OPALIN: variants seen among roughly 807,000 people sequenced by gnomAD.
OPALIN encodes the protein transmembrane protein 10.
OPALIN carries 15 observed loss-of-function variants against 17.8 expected under a neutral mutation model. The observed-to-expected ratio is 0.84, with a 90% CI of 0.56 to 1.29. The LOEUF is 1.29. OPALIN is among the 50% of genes most tolerant of loss of function. OPALIN has a pLI of 0.00. For missense variants in OPALIN, 170 were observed against 176.0 expected (o/e 0.97, Z 0.19); for synonymous variants, 62 against 63.8 (o/e 0.97, Z 0.14).
At chr10:96,347,338 C>G (rs1433122339) in intron 5 of OPALIN, among the ~76,000 whole-genome samples, 1 of 152,104 alleles carries the variant, frequency 6.6e-6, no homozygotes, top group East Asian at 1.9e-4. Context: ...AGGTGATCCA[C>G]CTGCCTTGGC....
rs1165501926 is a variant in OPALIN at position 96,351,414 on chromosome 10, T to A, written c.40-4A>T. 1 of 1,537,820 alleles carries A rather than the reference T, an allele frequency of 6.5e-7. No individual in the cohort carries two copies. The highest frequency in any genetic ancestry group is 2.2e-5 in the Admixed American group (1 of 46,314). Reference sequence around the variant, plus strand: ...CACCTGTGACAGGAGAGGACGTCTGTATGGAAAAAGAACATATATTGTAAA... The same window carrying A: ...CACCTGTGACAGGAGAGGACGTCTGAATGGAAAAAGAACATATATTGTAAA... On this transcript the variant is annotated splice_polypyrimidine_tract_variant and splice_region_variant and intron_variant, in intron 2 of 5. Transcript: ENST00000371172.
chr10:96,357,916 G>C (rs1161265679), intron 1 of OPALIN, among the ~76,000 whole-genome samples: 1 of 152,116 alleles, frequency 6.6e-6, no homozygotes, highest in Non-Finnish European at 1.5e-5. Context: ...CTCAGTGGCT[G>C]AACGTCCTTC....
chr10:96,357,776 G>T (rs1845876918), intron 1 of OPALIN, among the ~76,000 whole-genome samples: 1 of 152,170 alleles, frequency 6.6e-6, no homozygotes. Flanking sequence ...GAAAGTTCTT[G>T]TGGAATGGAA....
Position 96,353,299 on chromosome 10 carries a change from G to T in OPALIN, c.40-1889C>A, listed in dbSNP as rs527921877. On this transcript the variant is annotated intron_variant, in intron 2 of 5. Coordinates refer to ENST00000371172, the MANE Select transcript of OPALIN (RefSeq NM_033207.5). ...TCCTCAGCAGGGACTGGCCAGCAGG[G>T]AGCCCTGTTCCAAACTTCCCGCAGA... is the stretch of plus-strand genomic sequence containing the variant. 3.0e-6 allele frequency: 4 copies of T among 1,344,614 alleles called. No individual in the cohort carries two copies. The South Asian group carries it at 3.9e-5, about 13-fold the overall frequency. The allele number at this position is 1,344,614 out of a possible 1,614,324, so 83.3% of individuals were successfully genotyped here.
Position 96,348,288 on chromosome 10 carries a change from C to T in OPALIN, c.249+1G>A. The T allele has an allele frequency of 1.3e-6, 2 of 1,510,978 alleles. No individual in the cohort carries two copies. Among genetic ancestry groups the T allele is most frequent in the Non-Finnish European group, 1.8e-6 (2 of 1,090,042 alleles). The allele number at this position is 1,510,978 out of a possible 1,614,324, so 93.6% of individuals were successfully genotyped here. A position where few individuals can be genotyped will look rare whatever the true frequency, so the allele number is the denominator to read the frequency against. On this transcript the variant is annotated splice_donor_variant, in intron 5 of 5. Coordinates refer to ENST00000371172, the MANE Select transcript of OPALIN (RefSeq NM_033207.5). LOFTEE classifies it high-confidence loss of function. ...TAGAGAGTATAACCAAGAGTTCTTACCTCAGATATCTTGGGATTGTCATCA... is the reference window on the plus strand; with the variant it reads ...TAGAGAGTATAACCAAGAGTTCTTATCTCAGATATCTTGGGATTGTCATCA...
intron 2 of OPALIN, among the ~76,000 whole-genome samples, chr10:96,354,001 C>G (rs1194661480): frequency 6.6e-6 from 1 of 152,164 alleles, no homozygotes; most frequent in South Asian, 2.1e-4. Flanking sequence ...TTATGCTACT[C>G]TCTAGAACTA....
chr10:96,351,550 A>G, intron 2 of OPALIN, 140 bp from the exon 3 acceptor site: 1 of 493,630 alleles, frequency 2.0e-6, no homozygotes, highest in East Asian at 3.5e-5. Context: ...ACTACCAAAC[A>G]GAACCTAACT....
Position 96,344,322 on chromosome 10 carries a change from C to T in OPALIN, c.*1619G>A, listed in dbSNP as rs1589381222. 2 of 152,156 alleles carry T rather than the reference C, an allele frequency of 1.3e-5. No homozygotes were observed. The highest frequency in any genetic ancestry group is 4.8e-5 in the African/African-American group (2 of 41,504). The allele number at this position is 152,156 out of a possible 1,614,324, so 9.4% of individuals were successfully genotyped here. ...CTTAAATACTCTCTGATTACAGACACAAGTAGGAGCAATGAATGATGTGTC... is the reference window on the plus strand; with the variant it reads ...CTTAAATACTCTCTGATTACAGACATAAGTAGGAGCAATGAATGATGTGTC... On this transcript the variant is annotated 3_prime_UTR_variant, in exon 6 of 6. Coordinates refer to ENST00000371172, the MANE Select transcript of OPALIN (RefSeq NM_033207.5).
In OPALIN at chr10:96,345,381, T is replaced by C. The variant is rs1209313858; in HGVS notation, c.*560A>G. On this transcript the variant is annotated 3_prime_UTR_variant, in exon 6 of 6. Transcript: ENST00000371172. ...CTCAGTGGTAGGTGTGACTTAAGAG[T>C]CCGTATTCTTTCCACTGCTGTGTGA... The C allele has an allele frequency of 6.6e-6, 1 of 151,892 alleles. No homozygotes were observed. The highest frequency in any genetic ancestry group is 1.5e-5 in the Non-Finnish European group (1 of 68,018). 9.4% of individuals were successfully genotyped at this position (151,892 alleles called of 1,614,324 possible).
At chr10:96,354,092 C>T (rs1305143518) in intron 2 of OPALIN, among the ~76,000 whole-genome samples, 1 of 152,068 alleles carries the variant, frequency 6.6e-6, no homozygotes, top group African/African-American at 2.4e-5. Context: ...TTTGAATAAC[C>T]AGACAACTTA....
At position 96,345,741 on chromosome 10, in the gene OPALIN, A is replaced by C; in HGVS notation, c.*200T>G. On this transcript the variant is annotated 3_prime_UTR_variant, in exon 6 of 6. Transcript: ENST00000371172. ...TCTGGTGAGTCACATGTACTAACTA[A>C]AGCACAAGATCTGAGAGTTGGAATT... The C allele has an allele frequency of 1.8e-6, 1 of 542,546 alleles. No individual in the cohort carries two copies. Among genetic ancestry groups the C allele is most frequent in the East Asian group, 2.9e-5 (1 of 34,420 alleles). The allele number at this position is 542,546 out of a possible 1,614,324, so 33.6% of individuals were successfully genotyped here.
In OPALIN at chr10:96,344,643, G is replaced by A. The variant is rs926378541; in HGVS notation, c.*1298C>T. ...CTCTCCTTTTCCATTTGGCCTCCTT[G>A]GAGACAGTCCTCAGCAAGCTGAAGC... On this transcript the variant is annotated 3_prime_UTR_variant, in exon 6 of 6. Coordinates refer to ENST00000371172, the MANE Select transcript of OPALIN (RefSeq NM_033207.5). The A allele has an allele frequency of 2.0e-5, 3 of 152,054 alleles. No individual in the cohort carries two copies. The highest frequency in any genetic ancestry group is 2.0e-4 in the Admixed American group (3 of 15,254). 9.4% of individuals were successfully genotyped at this position (152,054 alleles called of 1,614,324 possible). A position where few individuals can be genotyped will look rare whatever the true frequency, so the allele number is the denominator to read the frequency against.
intron 5 of OPALIN, among the ~76,000 whole-genome samples, chr10:96,347,019 T>A (rs1261149081): frequency 6.6e-6 from 1 of 152,172 alleles, no homozygotes; most frequent in Non-Finnish European, 1.5e-5. Flanking sequence ...CTTGTTAAAA[T>A]TTCTTGTTAA....
Position 96,344,765 on chromosome 10 carries a change from C to G in OPALIN, c.*1176G>C, listed in dbSNP as rs1845241964. 6.6e-6 allele frequency: 1 copy of G among 152,118 alleles called. No homozygotes were observed. The highest frequency in any genetic ancestry group is 1.5e-5 in the Non-Finnish European group (1 of 68,022). 9.4% of individuals were successfully genotyped at this position (152,118 alleles called of 1,614,324 possible). A position where few individuals can be genotyped will look rare whatever the true frequency, so the allele number is the denominator to read the frequency against. On this transcript the variant is annotated 3_prime_UTR_variant, in exon 6 of 6. Coordinates refer to ENST00000371172, the MANE Select transcript of OPALIN (RefSeq NM_033207.5). ...GTAACTTTAACAACTATCCCTAAAGCACAAAAGTTAAAGTTATTTGAGGAA... is the reference window on the plus strand; with the variant it reads ...GTAACTTTAACAACTATCCCTAAAGGACAAAAGTTAAAGTTATTTGAGGAA...
intron 1 of OPALIN, among the ~76,000 whole-genome samples, chr10:96,357,653 G>A (rs772023960): frequency 9.9e-5 from 15 of 152,152 alleles, no homozygotes; most frequent in Non-Finnish European, 1.8e-4. Flanking sequence ...AGGGAATACC[G>A]TAATGTCATC....
At chr10:96,353,903 A>T (rs1055762131) in intron 2 of OPALIN, among the ~76,000 whole-genome samples, 1 of 152,184 alleles carries the variant, frequency 6.6e-6, no homozygotes, top group African/African-American at 2.4e-5. Context: ...CAGAGGCTGG[A>T]GCAGGTGCCA....
intron 3 of OPALIN, 127 bp downstream of exon 3, chr10:96,351,251 A>G: frequency 1.5e-6 from 1 of 665,110 alleles, no homozygotes; most frequent in Non-Finnish European, 2.7e-6. Flanking sequence ...GGTCAAGAAT[A>G]ATTCTTGAGC....
At chr10:96,352,378 G>A (rs1285823777) in intron 2 of OPALIN, among the ~76,000 whole-genome samples, 1 of 151,978 alleles carries the variant, frequency 6.6e-6, no homozygotes, top group Non-Finnish European at 1.5e-5. Context: ...GAAGTTATGG[G>A]GCTTGTCCAA....
At chr10:96,358,814 T>C in intron 1 of OPALIN, 80 bp downstream of exon 1, 1 of 1,419,926 alleles carries the variant, frequency 7.0e-7, no homozygotes, top group Admixed American at 1.7e-5. Context: ...TTTACTTCAT[T>C]GTACATTTAA....
Sources: allele counts gnomAD v4.1 joint callset (sites outside exome capture counted in the v4.1 genomes callset), GRCh38; gene constraint gnomAD v4.1.1; transcripts MANE v1.5; gene names NCBI Gene and HGNC (gene_info 2026-07-23, HGNC 2026-07-21).